GLB1: variants seen among roughly 807,000 people sequenced by gnomAD.
GLB1 encodes the protein galactosidase beta 1.
GLB1 carries 56 observed loss-of-function variants against 74.0 expected under a neutral mutation model. The ratio of observed to expected loss-of-function variants is 0.76; its 90% CI spans 0.61 to 0.94. The LOEUF is 0.94. Ranked by LOEUF, GLB1 falls within the 40% of genes least tolerant of loss-of-function variation. GLB1 has a pLI of 0.00. For synonymous variants in GLB1, 323 were observed against 323.6 expected, an observed-to-expected ratio of 1.00 and a Z score of 0.02; for missense variants, 787 against 845.5, an observed-to-expected ratio of 0.93 and a Z score of 0.86.
chr3:33,094,533 A>G (rs1464427333), intron 1 of GLB1, among the ~76,000 whole-genome samples: 1 of 152,240 alleles, frequency 6.6e-6, no homozygotes, highest in East Asian at 1.9e-4. Context: ...GTTTCTCTAC[A>G]GTAAGCATGT....
At chr3:33,078,978 G>A (rs1205125182) in intron 1 of GLB1, among the ~76,000 whole-genome samples, 1 of 152,064 alleles carries the variant, frequency 6.6e-6, no homozygotes, top group African/African-American at 2.4e-5. Context: ...TATGGCATAT[G>A]TATATGATAG....
intron 10 of GLB1, among the ~76,000 whole-genome samples, chr3:33,038,456 T>C (rs1311819761): frequency 2.0e-5 from 3 of 152,182 alleles, no homozygotes; most frequent in Non-Finnish European, 4.4e-5. Flanking sequence ...TCTAGAACAA[T>C]TGTACAAGAT....
chr3:33,033,833 C>A, intron 10 of GLB1: 1 of 352,608 alleles, frequency 2.8e-6, no homozygotes. Flanking sequence ...CCAGGAGCTG[C>A]CACGTCCCTA....
chr3:33,019,904 G>A (rs1370408796), intron 12 of GLB1, among the ~76,000 whole-genome samples: 1 of 152,118 alleles, frequency 6.6e-6, no homozygotes, highest in Non-Finnish European at 1.5e-5. Context: ...GATATTCTGT[G>A]GACTTGCCCC....
rs1700901851 is a variant in GLB1 at position 33,094,153 on chromosome 3, G to C, written c.75+2858C>G. 6.2e-7 allele frequency: 1 copy of C among 1,612,730 alleles called. No homozygotes were observed. The highest frequency in any genetic ancestry group is 8.5e-7 in the Non-Finnish European group (1 of 1,178,854). Reference sequence around the variant, plus strand: ...GACACGAAGACAGTGACAGCAGCCAGGGTGGCCTTCGCGCCTAGGGACAGC... The same window carrying C: ...GACACGAAGACAGTGACAGCAGCCACGGTGGCCTTCGCGCCTAGGGACAGC... On this transcript the variant is annotated intron_variant, in intron 1 of 15. Coordinates refer to ENST00000307363, the MANE Select transcript of GLB1 (RefSeq NM_000404.4).
chr3:33,037,620 A>T (rs528291654), intron 10 of GLB1, among the ~76,000 whole-genome samples: 4 of 152,290 alleles, frequency 2.6e-5, no homozygotes, highest in Non-Finnish European at 5.9e-5. Flanking sequence ...ACTCTCTGTA[A>T]CAGGATACCC....
the GLB1 span, among the ~76,000 whole-genome samples, chr3:32,977,532 G>A: frequency 5.3e-5 from 8 of 152,076 alleles, no homozygotes; most frequent in Non-Finnish European, 7.4e-5. Context: ...TTTTTAAAGC[G>A]AAGGGGCACC....
chr3:32,991,747 C>G (rs1696226718), downstream of GLB1, among the ~76,000 whole-genome samples: 1 of 152,232 alleles, frequency 6.6e-6, no homozygotes. Flanking sequence ...TGGCCTTAAA[C>G]TTCAAGTCAT....
intron 1 of GLB1, among the ~76,000 whole-genome samples, chr3:33,083,735 A>G (rs1198133879): frequency 6.6e-6 from 1 of 152,212 alleles, no homozygotes; most frequent in Non-Finnish European, 1.5e-5. Context: ...ACCCAGCAGT[A>G]CAAACAAAAC....
intron 15 of GLB1, among the ~76,000 whole-genome samples, chr3:33,008,794 C>T (rs1293018209): frequency 1.3e-5 from 2 of 152,020 alleles, no homozygotes; most frequent in Non-Finnish European, 2.9e-5. Context: ...GCCAAAGGGG[C>T]AAGGGGGCAG....
At chr3:33,018,648 G>A in intron 12 of GLB1, 87 bp from the exon 13 acceptor site, 3 of 1,390,586 alleles carry the variant, frequency 2.2e-6, no homozygotes, top group South Asian at 2.4e-5. Context: ...TGAAAGCGAT[G>A]TTTCTCAAAC....
chr3:32,979,985 T>C, the GLB1 span, among the ~76,000 whole-genome samples: 1 of 152,218 alleles, frequency 6.6e-6, no homozygotes, highest in Non-Finnish European at 1.5e-5. Context: ...ATGTGATGTT[T>C]CAATATATGC....
chr3:33,089,196 G>A (rs943415117), intron 1 of GLB1, among the ~76,000 whole-genome samples: 1 of 152,020 alleles, frequency 6.6e-6, no homozygotes, highest in Non-Finnish European at 1.5e-5. Flanking sequence ...GAAAACATGG[G>A]GAAAAAAGCT....
chr3:33,003,576 G>A (rs905181539), intron 15 of GLB1, among the ~76,000 whole-genome samples: 6 of 152,158 alleles, frequency 3.9e-5, no homozygotes, highest in African/African-American at 1.2e-4. Context: ...TGAATTAGAC[G>A]GAAATAGTAG....
Position 33,039,735 on chromosome 3 carries a change from A to T in GLB1, c.1068+6385T>A, listed in dbSNP as rs531909935. On this transcript the variant is annotated intron_variant, in intron 10 of 15. Coordinates refer to ENST00000307363, the MANE Select transcript of GLB1 (RefSeq NM_000404.4). ...GAGATAACAGCCAAGAATGTTCTAAAATCCACAAAAGAAATAATGCCATAG... is the reference window on the plus strand; with the variant it reads ...GAGATAACAGCCAAGAATGTTCTAATATCCACAAAAGAAATAATGCCATAG... Among the ~76,000 whole-genome samples the T allele has an allele frequency of 2.0e-5, 3 of 152,336 alleles. No homozygotes were observed. The South Asian group carries it at 6.2e-4, about 32-fold the overall frequency.
chr3:32,998,778 C>T (rs1235946577), intron 15 of GLB1, among the ~76,000 whole-genome samples: 3 of 152,164 alleles, frequency 2.0e-5, no homozygotes, highest in East Asian at 1.9e-4. Context: ...GAGGCCCAGC[C>T]ATGGCTGACA....
At chr3:33,006,495 G>A (rs1302947435) in intron 15 of GLB1, among the ~76,000 whole-genome samples, 1 of 152,086 alleles carries the variant, frequency 6.6e-6, no homozygotes, top group Non-Finnish European at 1.5e-5. Flanking sequence ...ACAAGGTTGG[G>A]GACCACTGGC....
intron 1 of GLB1, among the ~76,000 whole-genome samples, chr3:33,074,568 A>G (rs1700039646): frequency 6.7e-6 from 1 of 149,564 alleles, no homozygotes; most frequent in South Asian, 2.2e-4. Context: ...AGGAGCTAAA[A>G]TGTTAGGATT....
At chr3:33,090,926 T>TA (rs140320259) in intron 1 of GLB1, 237 of 911,412 alleles carry the variant, frequency 2.6e-4, no homozygotes, top group Middle Eastern at 5.7e-4. Flanking sequence ...GATGCAAAAT[T>TA]AAAAAAAAAA....
Sources: gnomAD v4.1 joint callset for allele counts (sites outside exome capture counted in the v4.1 genomes callset) on GRCh38, gnomAD v4.1.1 for gene constraint, MANE v1.5 for transcripts, NCBI Gene and HGNC (gene_info 2026-07-23, HGNC 2026-07-21) for gene names.